The following NR6A1 variants were observed in gnomAD, a reference collection of about 807,000 sequenced individuals.
NR6A1 encodes the protein retinoic acid receptor-related testis-associated receptor.
NR6A1 carries 7 observed loss-of-function variants against 59.1 expected under a neutral mutation model. The observed-to-expected ratio is 0.12, with a 90% CI of 0.07 to 0.22. NR6A1 has a LOEUF of 0.22. Ranked by LOEUF, NR6A1 falls within the 10% of genes least tolerant of loss-of-function variation. The probability of loss-of-function intolerance (pLI) is 1.00; values close to 1 mark genes in which losing one functional copy is unlikely to be tolerated. For synonymous variants in NR6A1, 243 were observed against 236.1 expected (o/e 1.03, Z -0.27); for missense variants, 468 against 611.6 (o/e 0.77, Z 2.48).
intron 2 of NR6A1, among the ~76,000 whole-genome samples, chr9:124,582,277 A>G (rs1834795103): frequency 6.6e-6 from 1 of 152,206 alleles, no homozygotes; most frequent in South Asian, 2.1e-4. Context: ...GACACAGATG[A>G]AGCTGGGGGC....
At chr9:124,736,867 C>T (rs748719883) in intron 1 of NR6A1, among the ~76,000 whole-genome samples, 6 of 152,050 alleles carry the variant, frequency 3.9e-5, no homozygotes, top group Non-Finnish European at 8.8e-5. Context: ...TTAAATGACA[C>T]AGTGAATATA....
intron 2 of NR6A1, among the ~76,000 whole-genome samples, chr9:124,574,123 T>C (rs1834524654): frequency 6.6e-6 from 1 of 152,236 alleles, no homozygotes; most frequent in African/African-American, 2.4e-5. Flanking sequence ...CCACCAGGAA[T>C]ATAAATTTCA....
intron 2 of NR6A1, among the ~76,000 whole-genome samples, chr9:124,728,767 G>A (rs925975299): frequency 7.2e-5 from 11 of 152,176 alleles, no homozygotes; most frequent in Admixed American, 3.3e-4. Flanking sequence ...GGAAGAGTAT[G>A]CACCAATCAC....
At chr9:124,558,595 A>G (rs1833992151) in intron 2 of NR6A1, among the ~76,000 whole-genome samples, 1 of 152,152 alleles carries the variant, frequency 6.6e-6, no homozygotes, top group South Asian at 2.1e-4. Context: ...CTTAACATAC[A>G]TTACTGTGCT....
intron 2 of NR6A1, among the ~76,000 whole-genome samples, chr9:124,626,794 C>T (rs374012332): frequency 7.9e-5 from 12 of 152,110 alleles, no homozygotes; most frequent in Admixed American, 3.3e-4. Context: ...ATTAGCCGGG[C>T]GTAGGGGCAC....
intron 2 of NR6A1, among the ~76,000 whole-genome samples, chr9:124,718,728 T>G (rs966026528): frequency 2.0e-5 from 3 of 151,690 alleles, no homozygotes; most frequent in East Asian, 1.9e-4. Context: ...TGCCTTCTCC[T>G]TAAGTCTACA....
chr9:124,759,301 A>T (rs765212589), intron 1 of NR6A1, among the ~76,000 whole-genome samples: 1 of 152,212 alleles, frequency 6.6e-6, no homozygotes, highest in African/African-American at 2.4e-5. Context: ...GCAAACAGCC[A>T]CTAGTTTATT....
intron 2 of NR6A1, among the ~76,000 whole-genome samples, chr9:124,621,585 T>G (rs1588715714): frequency 6.6e-6 from 1 of 151,374 alleles, no homozygotes; most frequent in African/African-American, 2.4e-5. Flanking sequence ...GCCAAGGAGG[T>G]TGAAGTTGCA....
intron 2 of NR6A1, among the ~76,000 whole-genome samples, chr9:124,670,942 T>C (rs561710260): frequency 1.0e-3 from 152 of 152,312 alleles, no homozygotes; most frequent in African/African-American, 3.3e-3. Context: ...GTGGTGGCAG[T>C]AGAGATGCAA....
At chr9:124,663,848 G>A (rs574205152) in intron 2 of NR6A1, among the ~76,000 whole-genome samples, 131 of 152,196 alleles carry the variant, frequency 8.6e-4, no homozygotes, top group Middle Eastern at 3.4e-3. Context: ...AAAGTGAGGT[G>A]GAATGTCAGA....
chr9:124,685,466 C>T (rs1230048033), intron 2 of NR6A1, among the ~76,000 whole-genome samples: 1 of 152,166 alleles, frequency 6.6e-6, no homozygotes, highest in African/African-American at 2.4e-5. Flanking sequence ...GTAGCTAGAA[C>T]TACTGGCAGA....
chr9:124,652,329 A>C (rs1440043035), intron 2 of NR6A1, among the ~76,000 whole-genome samples: 1 of 152,166 alleles, frequency 6.6e-6, no homozygotes, highest in Admixed American at 6.5e-5. Context: ...GAAGGGTATG[A>C]CTTTTAAAAT....
intron 2 of NR6A1, among the ~76,000 whole-genome samples, chr9:124,592,099 A>G (rs935576756): frequency 6.6e-6 from 1 of 152,198 alleles, no homozygotes; most frequent in Non-Finnish European, 1.5e-5. Flanking sequence ...TGCCTCTGAT[A>G]TCCTTTTGTT....
At chr9:124,700,249 C>T (rs906222988) in intron 2 of NR6A1, among the ~76,000 whole-genome samples, 25 of 151,938 alleles carry the variant, frequency 1.6e-4, no homozygotes, top group African/African-American at 6.0e-4. Flanking sequence ...GGCTGGAGTG[C>T]AGTGGCGTGA....
At chr9:124,659,223 A>G (rs1837349385) in intron 2 of NR6A1, among the ~76,000 whole-genome samples, 1 of 146,116 alleles carries the variant, frequency 6.8e-6, no homozygotes, top group Non-Finnish European at 1.5e-5. Flanking sequence ...AAAACCAGAC[A>G]GTCCTGGCCG....
rs1475243698 is a variant in NR6A1, at chr9:124,554,540, C to T, written c.173G>A (p.Arg58Gln). The T allele has an allele frequency of 3.2e-5, 52 of 1,614,040 alleles. No individual in the cohort carries two copies. The highest frequency in any genetic ancestry group is 4.2e-5 in the Non-Finnish European group (50 of 1,180,046). ...ISVSDDRAEQRTCLICGDRAT... is the reference protein window; with the variant it reads ...ISVSDDRAEQQTCLICGDRAT... The stretch of plus-strand genomic sequence containing the variant: ...GCGGTCCCCACAAATGAGACAGGTT[C>T]GTTGTTCAGCCCGATCATCTGAAAC... Residue 58 changes from arginine (R) to glutamine (Q), a missense_variant, in exon 3 of 10, where the codon CGA becomes CAA. Around this residue, in one of 4 missense-constraint regions of NR6A1, gnomAD observed 66 missense variants for 139.2 expected, o/e 0.47. Transcript: ENST00000487099.
At chr9:124,726,231 G>C (rs1839714027) in intron 2 of NR6A1, among the ~76,000 whole-genome samples, 1 of 152,104 alleles carries the variant, frequency 6.6e-6, no homozygotes, top group Non-Finnish European at 1.5e-5. Context: ...TTAGTGGTAG[G>C]TGAGCACCAG....
rs187511720 is a variant in NR6A1 at position 124,706,004 on chromosome 9, G to A, written c.142+27304C>T. On this transcript the variant is annotated intron_variant, in intron 2 of 9. Coordinates refer to ENST00000487099, the MANE Select transcript of NR6A1 (RefSeq NM_033334.4). Reference sequence around the variant, plus strand: ...TTGGCCAGGTTGGTCTTGAACTCCCGAACTCAGGTGATCCACCTGCCTCGG... The same window carrying A: ...TTGGCCAGGTTGGTCTTGAACTCCCAAACTCAGGTGATCCACCTGCCTCGG... 6.0e-3 allele frequency among the ~76,000 whole-genome samples: 915 copies of A among 152,250 alleles called. 10 individuals carry two copies. Among genetic ancestry groups the A allele is most frequent in the African/African-American group, 0.021 (868 of 41,534 alleles).
At chr9:124,743,508 C>T (rs1840235429) in intron 1 of NR6A1, among the ~76,000 whole-genome samples, 1 of 152,180 alleles carries the variant, frequency 6.6e-6, no homozygotes, top group African/African-American at 2.4e-5. Context: ...ATTTGCTCAG[C>T]TTAAATGCAG....
Sources: gnomAD v4.1 joint callset for allele counts (sites outside exome capture counted in the v4.1 genomes callset) on GRCh38, gnomAD v4.1.1 for gene constraint, gnomAD v4.1.1 regional missense constraint, MANE v1.5 for transcripts, NCBI Gene and HGNC (gene_info 2026-07-23, HGNC 2026-07-21) for gene names.